Variants in PCDHA2 observed in about 807,000 individuals in gnomAD.
The protein encoded by PCDHA2 is protocadherin alpha-2.
PCDHA2 carries 58 observed loss-of-function variants against 66.0 expected under a neutral mutation model. The observed-to-expected ratio is 0.88, with a 90% CI of 0.71 to 1.09. PCDHA2 has a LOEUF of 1.09. PCDHA2 is among the 50% of genes least tolerant of loss of function. The probability of loss-of-function intolerance (pLI) is 0.00; values close to 1 mark genes in which losing one functional copy is unlikely to be tolerated. For synonymous variants in PCDHA2, 634 were observed against 554.0 expected (o/e 1.14, Z -2.03); for missense variants, 1,267 against 1,242.3 (o/e 1.02, Z -0.30).
intron 1 of PCDHA2, chr5:140,876,569 G>C (rs1554168675): frequency 6.2e-7 from 1 of 1,614,186 alleles, no homozygotes; most frequent in Admixed American, 1.7e-5. Flanking sequence ...GCTCAGGTGG[G>C]TACCGTCATT....
chr5:140,822,808 A>C lies in PCDHA2; in HGVS notation c.2388+25456A>C, dbSNP rs1554128906. On this transcript the variant is annotated intron_variant, in intron 1 of 3. Transcript: ENST00000526136. The stretch of plus-strand genomic sequence containing the variant: ...AGTGAAACTCCTGGATGTGAATGAT[A>C]ATACCCCAGAGATGGCCATAACCAC... The C allele has an allele frequency of 4.3e-6, 7 of 1,614,072 alleles. No homozygotes were observed. The African/African-American group carries it at 9.3e-5, about 22-fold the overall frequency.
chr5:140,953,100 A>G (rs1343351624), intron 1 of PCDHA2, among the ~76,000 whole-genome samples: 1 of 152,162 alleles, frequency 6.6e-6, no homozygotes, highest in Admixed American at 6.5e-5. Flanking sequence ...TTGACATGAG[A>G]TTTGGGCAGG....
chr5:140,993,293 A>T (rs1445204823), intron 3 of PCDHA2, among the ~76,000 whole-genome samples: 1 of 152,062 alleles, frequency 6.6e-6, no homozygotes, highest in Non-Finnish European at 1.5e-5. Context: ...CAGGGTCACA[A>T]CCTTGCCTCC....
At chr5:140,961,479 C>G (rs2095615905) in intron 1 of PCDHA2, among the ~76,000 whole-genome samples, 1 of 152,108 alleles carries the variant, frequency 6.6e-6, no homozygotes, top group Non-Finnish European at 1.5e-5. Context: ...TTTGTCTTGT[C>G]CACGTGAGTA....
intron 1 of PCDHA2, among the ~76,000 whole-genome samples, chr5:140,818,650 AAT>A (rs1475633979): frequency 1.3e-5 from 2 of 152,206 alleles, no homozygotes; most frequent in African/African-American, 4.8e-5. Context: ...GAGCCTGAGC[AAT>A]ATAGGGAGAC....
chr5:140,806,764 T>C (rs1049198745), intron 1 of PCDHA2, among the ~76,000 whole-genome samples: 6 of 152,098 alleles, frequency 3.9e-5, no homozygotes, highest in Non-Finnish European at 8.8e-5. Flanking sequence ...TAGGTCTCTG[T>C]AATACTTAAA....
rs544683188 is a variant in PCDHA2 at position 140,871,907 on chromosome 5, C to G, written c.2388+74555C>G. ...TCTTTGTCTTTTAGCAGAGTTTTGC[C>G]TTGATATTTCCACATTGTTAGATCA... On this transcript the variant is annotated intron_variant, in intron 1 of 3. Coordinates refer to ENST00000526136, the MANE Select transcript of PCDHA2 (RefSeq NM_018905.3). Among the ~76,000 whole-genome samples the G allele has an allele frequency of 3.9e-5, 6 of 152,316 alleles. No homozygotes were observed. In the South Asian group the frequency reaches 1.2e-3, roughly 32 times the overall value.
In PCDHA2 at chr5:140,809,117, C is replaced by T. The variant is rs142688560; in HGVS notation, c.2388+11765C>T. On this transcript the variant is annotated intron_variant, in intron 1 of 3. Transcript: ENST00000526136. ...TGCCCTGGACGAAACGGACGCTCCG[C>T]GCCACCGCCTACTGGTACTGGTGAA... The T allele has an allele frequency of 1.0e-3, 1,659 of 1,613,872 alleles. 4 individuals carry two copies. Among genetic ancestry groups the T allele is most frequent in the Non-Finnish European group, 1.3e-3 (1,582 of 1,179,952 alleles).
chr5:140,856,356 T>A lies in PCDHA2; in HGVS notation c.2388+59004T>A, dbSNP rs782497272. ...TGCGGGCGGAGCGTGGAGTGCAGCA[T>A]CCACCTGGAGGTGATCGTGGACAGG... On this transcript the variant is annotated intron_variant, in intron 1 of 3. Coordinates refer to ENST00000526136, the MANE Select transcript of PCDHA2 (RefSeq NM_018905.3). 3 of 1,598,530 alleles carry A rather than the reference T, an allele frequency of 1.9e-6. 1 individual carries two copies. Among genetic ancestry groups the A allele is most frequent in the South Asian group, 2.2e-5 (2 of 90,522 alleles).
At position 140,858,109 on chromosome 5, in the gene PCDHA2, C is replaced by G. The variant is rs782526722; in HGVS notation, c.2388+60757C>G. 17 of 1,597,646 alleles carry G rather than the reference C, an allele frequency of 1.1e-5. 1 individual carries two copies. The highest frequency in any genetic ancestry group is 1.2e-5 in the Non-Finnish European group (14 of 1,167,662). ...CGCGGGCTTCAGTGGGCGTGGCGCC[C>G]GAGGTGGCCCTGGTGGATGTCAACG... On this transcript the variant is annotated intron_variant, in intron 1 of 3. Transcript: ENST00000526136.
At chr5:140,891,972 T>C (rs1273277446) in intron 1 of PCDHA2, among the ~76,000 whole-genome samples, 1 of 152,222 alleles carries the variant, frequency 6.6e-6, no homozygotes, top group African/African-American at 2.4e-5. Flanking sequence ...TAAATTTCCG[T>C]TCTCATAAAT....
At chr5:140,849,605 C>G (rs1469942879) in intron 1 of PCDHA2, 1 of 1,598,466 alleles carries the variant, frequency 6.3e-7, no homozygotes, top group Non-Finnish European at 8.6e-7. Flanking sequence ...CAGTTATTGC[C>G]CTGATTAGTG....
chr5:140,797,390 T>A lies in PCDHA2; in HGVS notation c.2388+38T>A, dbSNP rs782688551. On this transcript the variant is annotated intron_variant, in intron 1 of 3. Coordinates refer to ENST00000526136, the MANE Select transcript of PCDHA2 (RefSeq NM_018905.3). Reference sequence around the variant, plus strand: ...CTTTTTCTTGCCAATTCTAAAATTGTTCTTTTTAAAAAATTCTATATGATT... The same window carrying A: ...CTTTTTCTTGCCAATTCTAAAATTGATCTTTTTAAAAAATTCTATATGATT... 2.5e-6 allele frequency: 4 copies of A among 1,584,260 alleles called. No individual in the cohort carries two copies. In the Admixed American group the frequency reaches 5.3e-5, roughly 21 times the overall value.
At chr5:140,897,438 G>A (rs2066109195) in intron 1 of PCDHA2, among the ~76,000 whole-genome samples, 1 of 149,226 alleles carries the variant, frequency 6.7e-6, no homozygotes, top group African/African-American at 2.5e-5. Context: ...AACATGCAGT[G>A]TTTGGTTTTT....
rs1434027533 is a variant in PCDHA2, at chr5:140,831,618, C to A, written c.2388+34266C>A. ...GTGCAAGTGATCTGCCCACCTTGGC[C>A]TCCCAAAGTACTAAGATTATAGGTG... On this transcript the variant is annotated intron_variant, in intron 1 of 3. Coordinates refer to ENST00000526136, the MANE Select transcript of PCDHA2 (RefSeq NM_018905.3). 2.6e-5 allele frequency among the ~76,000 whole-genome samples: 4 copies of A among 151,234 alleles called. No homozygotes were observed. In the South Asian group the frequency reaches 8.3e-4, roughly 32 times the overall value.
intron 1 of PCDHA2, chr5:140,842,463 C>T (rs1554139058): frequency 1.9e-6 from 3 of 1,613,672 alleles, no homozygotes; most frequent in Admixed American, 3.3e-5. Flanking sequence ...GATTCAGGTG[C>T]CAACGGGCAG....
Position 140,796,777 on chromosome 5 carries a change from G to C in PCDHA2, c.1813G>C (p.Ala605Pro), listed in dbSNP as rs1554120104. The change falls in exon 1 of 4, where the codon GCG (alanine) becomes CCG (proline). Residue 605 changes from alanine to proline, a missense_variant. Coordinates refer to ENST00000526136, the MANE Select transcript of PCDHA2 (RefSeq NM_018905.3). ...RAVDADSGYN[A>P]WLSYELQLGT... ...AGTGGACGCTGACTCAGGCTACAAC[G>C]CGTGGCTTTCGTACGAGCTTCAGCT... 1 of 1,614,152 alleles carries C rather than the reference G, an allele frequency of 6.2e-7. No homozygotes were observed.
chr5:140,835,485 G>C (rs371322976), intron 1 of PCDHA2: 7 of 1,613,778 alleles, frequency 4.3e-6, no homozygotes, highest in Non-Finnish European at 5.9e-6. Flanking sequence ...ACCAGGTACC[G>C]TCATCACATT....
Position 140,801,489 on chromosome 5 carries a change from C to A in PCDHA2, c.2388+4137C>A. ...GATAGACCGCGAGGAACTGTGCGGG[C>A]GGAGCGCGGAGTGCAGCATCCACCT... On this transcript the variant is annotated intron_variant, in intron 1 of 3. Coordinates refer to ENST00000526136, the MANE Select transcript of PCDHA2 (RefSeq NM_018905.3). The A allele has an allele frequency of 2.5e-6, 4 of 1,614,092 alleles. 1 individual carries two copies. Among genetic ancestry groups the A allele is most frequent in the Non-Finnish European group, 2.5e-6 (3 of 1,180,042 alleles).
Sources: gnomAD v4.1 joint callset for allele counts (sites outside exome capture counted in the v4.1 genomes callset) on GRCh38, gnomAD v4.1.1 for gene constraint, MANE v1.5 for transcripts, NCBI Gene and HGNC (gene_info 2026-07-23, HGNC 2026-07-21) for gene names.